RELN: variants seen among roughly 807,000 people sequenced by gnomAD.
RELN encodes reelin.
In RELN, 108 loss-of-function variants were observed where a neutral mutation model predicts 427.6. The observed-to-expected ratio is 0.25, with a 90% CI of 0.22 to 0.30. The LOEUF is 0.30. Ranked by LOEUF, RELN falls within the 10% of genes least tolerant of loss-of-function variation. RELN has a pLI of 1.00. For synonymous variants in RELN, 1,524 were observed against 1,513.4 expected, an observed-to-expected ratio of 1.01 and a Z score of -0.16; for missense variants, 3,715 against 4,302.8, an observed-to-expected ratio of 0.86 and a Z score of 3.82.
chr7:103,622,741 T>A (rs760550155), intron 20 of RELN, among the ~76,000 whole-genome samples: 26 of 152,166 alleles, frequency 1.7e-4, no homozygotes, highest in Non-Finnish European at 3.1e-4. Context: ...AGCTCCACTC[T>A]CCACTTCTGC....
chr7:103,750,483 A>G (rs1790971106), intron 5 of RELN, among the ~76,000 whole-genome samples: 1 of 152,192 alleles, frequency 6.6e-6, no homozygotes, highest in Non-Finnish European at 1.5e-5. Context: ...TAGCAGCGTG[A>G]GAATGAACTA....
At chr7:103,805,952 G>A (rs377116660) in intron 3 of RELN, among the ~76,000 whole-genome samples, 1 of 152,096 alleles carries the variant, frequency 6.6e-6, no homozygotes, top group South Asian at 2.1e-4. Flanking sequence ...TCACACAAAA[G>A]AGAAAATATG....
chr7:103,487,636 C>T (rs10085736), intron 60 of RELN, among the ~76,000 whole-genome samples: 35,974 of 151,988 alleles, frequency 0.24, 4,646 homozygotes, highest in African/African-American at 0.35. Context: ...GTTTAAATAC[C>T]ACAGCATCTG....
intron 64 of RELN, among the ~76,000 whole-genome samples, chr7:103,473,618 T>A (rs554226685): frequency 6.6e-6 from 1 of 152,184 alleles, no homozygotes; most frequent in Non-Finnish European, 1.5e-5. Flanking sequence ...CCCCCACATA[T>A]GTACATACAC....
chr7:103,518,156 T>C (rs1413092481), intron 49 of RELN, among the ~76,000 whole-genome samples: 2 of 152,092 alleles, frequency 1.3e-5, no homozygotes, highest in Non-Finnish European at 2.9e-5. Flanking sequence ...GGATGTAATT[T>C]ACATAGGAGA....
At chr7:103,851,453 A>T (rs997584432) in intron 2 of RELN, among the ~76,000 whole-genome samples, 1 of 152,196 alleles carries the variant, frequency 6.6e-6, no homozygotes, top group African/African-American at 2.4e-5. Context: ...TCATGTAACA[A>T]AATACCACTT....
intron 4 of RELN, 32 bp from the exon 5 acceptor site, chr7:103,753,246 T>C: frequency 6.2e-7 from 1 of 1,612,848 alleles, no homozygotes. Context: ...GAAAGACAAC[T>C]GATCAGGAAT....
At chr7:103,837,847 G>A (rs1183174206) in intron 2 of RELN, among the ~76,000 whole-genome samples, 1 of 152,130 alleles carries the variant, frequency 6.6e-6, no homozygotes, top group Non-Finnish European at 1.5e-5. Context: ...GCCTGCCACA[G>A]TGTCTGACAT....
At chr7:103,849,927 T>C (rs531051139) in intron 2 of RELN, among the ~76,000 whole-genome samples, 1 of 152,324 alleles carries the variant, frequency 6.6e-6, no homozygotes, top group South Asian at 2.1e-4. Context: ...TATCACTTAA[T>C]AAAACATATG....
intron 48 of RELN, among the ~76,000 whole-genome samples, chr7:103,520,809 T>C (rs1486884560): frequency 6.6e-6 from 1 of 152,088 alleles, no homozygotes; most frequent in East Asian, 1.9e-4. Context: ...TCTTTCTCAG[T>C]GTTGCTGATT....
At position 103,662,627 on chromosome 7, in the gene RELN, A is replaced by C. The variant is rs1025775277; in HGVS notation, c.1290-1100T>G. 6.3e-5 allele frequency among the ~76,000 whole-genome samples: 8 copies of C among 126,652 alleles called. No homozygotes were observed. The East Asian group carries it at 2.3e-3, about 36-fold the overall frequency. 83.1% of individuals were successfully genotyped at this position (126,652 alleles called of 152,430 possible). On this transcript the variant is annotated intron_variant, in intron 11 of 64. Transcript: ENST00000428762. ...GGTGACACAGCGAGACTCCGTCACAAAAAAAAAAAAAAAAAAAAGAAACGG... is the reference window on the plus strand; with the variant it reads ...GGTGACACAGCGAGACTCCGTCACACAAAAAAAAAAAAAAAAAAGAAACGG...
At chr7:103,695,576 C>T (rs1833961460) in intron 10 of RELN, among the ~76,000 whole-genome samples, 1 of 152,016 alleles carries the variant, frequency 6.6e-6, no homozygotes, top group Non-Finnish European at 1.5e-5. Context: ...TAACAAAGTA[C>T]ATGCAATGAG....
intron 11 of RELN, among the ~76,000 whole-genome samples, chr7:103,664,751 T>C (rs559377380): frequency 2.6e-5 from 4 of 152,186 alleles, no homozygotes; most frequent in Non-Finnish European, 5.9e-5. Context: ...TTCATGTTTA[T>C]TGGCCAGTTG....
At position 103,796,935 on chromosome 7, in the gene RELN, A is replaced by G. The variant is rs181041390; in HGVS notation, c.474-20308T>C. Among the ~76,000 whole-genome samples, 7 of 151,948 alleles carry G rather than the reference A, an allele frequency of 4.6e-5. No individual in the cohort carries two copies. In the East Asian group the frequency reaches 1.2e-3, roughly 25 times the overall value. On this transcript the variant is annotated intron_variant, in intron 3 of 64. Coordinates refer to ENST00000428762, the MANE Select transcript of RELN (RefSeq NM_005045.4). ...AAAAAGAAAAAGAAAGTAAGGATAC[A>G]TAACTATGGAACCATCCTTATATAC...
At chr7:103,530,686 G>A (rs562028693) in intron 46 of RELN, among the ~76,000 whole-genome samples, 1 of 152,206 alleles carries the variant, frequency 6.6e-6, no homozygotes, top group South Asian at 2.1e-4. Flanking sequence ...CCATACCTAT[G>A]TGTCCTTGCA....
chr7:103,936,774 A>T (rs1795997345), intron 1 of RELN, among the ~76,000 whole-genome samples: 1 of 136,838 alleles, frequency 7.3e-6, no homozygotes, highest in African/African-American at 2.7e-5. Context: ...ACACACACAC[A>T]CTTTCCTGGT....
intron 1 of RELN, among the ~76,000 whole-genome samples, chr7:103,926,598 A>G (rs1480569393): frequency 6.7e-6 from 1 of 150,020 alleles, no homozygotes; most frequent in Non-Finnish European, 1.5e-5. Flanking sequence ...ACACATAGTT[A>G]AACCGAACGC....
intron 2 of RELN, among the ~76,000 whole-genome samples, chr7:103,870,659 A>T (rs988810555): frequency 6.6e-6 from 1 of 152,014 alleles, no homozygotes; most frequent in Non-Finnish European, 1.5e-5. Flanking sequence ...CAAGGTACTA[A>T]CCTAATCTTT....
At chr7:103,881,681 G>T (rs954617258) in intron 2 of RELN, among the ~76,000 whole-genome samples, 3 of 151,982 alleles carry the variant, frequency 2.0e-5, no homozygotes, top group African/African-American at 4.8e-5. Context: ...AGCCATTCCA[G>T]CAGAGACACC....
Sources: allele counts gnomAD v4.1 joint callset (sites outside exome capture counted in the v4.1 genomes callset), GRCh38; gene constraint gnomAD v4.1.1; transcripts MANE v1.5; gene names NCBI Gene and HGNC (gene_info 2026-07-23, HGNC 2026-07-21).